Variants in MYO10 observed in about 807,000 individuals in gnomAD.
The protein encoded by MYO10 is unconventional myosin-X.
MYO10 carries 133 observed loss-of-function variants against 257.3 expected under a neutral mutation model. That is an observed-to-expected ratio of 0.52 (90% CI 0.45 to 0.60). MYO10 has a LOEUF of 0.60. Among genes scored for constraint, MYO10 ranks in the 20% least tolerant of loss-of-function variants. The pLI is 0.00. For missense variants in MYO10, 2,399 were observed against 2,635.7 expected (o/e 0.91, Z 1.97); for synonymous variants, 1,104 against 1,028.6 (o/e 1.07, Z -1.40).
chr5:16,670,792 G>T lies in MYO10; in HGVS notation c.5617C>A (p.Pro1873Thr), dbSNP rs754376677. The T allele has an allele frequency of 6.2e-7, 1 of 1,614,042 alleles. No homozygotes were observed. ...CGCCTCTTCTCCAGCCGTTCACAAG[G>T]GGTGAAGGTTTTGGTTGACTGGCTG... is the stretch of plus-strand genomic sequence containing the variant. ...RISQSTKTFT[P>T]CERLEKRRTS... Residue 1873 changes from proline (P) to threonine (T), a missense_variant, in exon 39 of 41, where the codon CCT (proline) becomes ACT (threonine). Around this residue, in one of 3 missense-constraint regions of MYO10, gnomAD observed 1,820 missense variants for 1,939.4 expected, o/e 0.94. Coordinates refer to ENST00000513610, the MANE Select transcript of MYO10 (RefSeq NM_012334.3).
At chr5:16,840,758 T>C (rs1235258547) in intron 2 of MYO10, among the ~76,000 whole-genome samples, 1 of 152,120 alleles carries the variant, frequency 6.6e-6, no homozygotes, top group East Asian at 1.9e-4. Flanking sequence ...TTAAAATGAC[T>C]AGTTCCTACT....
At chr5:16,770,846 G>A (rs892944641) in intron 9 of MYO10, among the ~76,000 whole-genome samples, 1 of 152,140 alleles carries the variant, frequency 6.6e-6, no homozygotes, top group South Asian at 2.1e-4. Context: ...TCGGCTCACC[G>A]CACCCCGTGC....
intron 1 of MYO10, among the ~76,000 whole-genome samples, chr5:16,932,752 ACTAT>A (rs1050995556): frequency 4.0e-5 from 6 of 151,250 alleles, no homozygotes; most frequent in South Asian, 2.1e-4. Flanking sequence ...GCAGTAAGAC[ACTAT>A]CTATCTAATT....
chr5:16,826,910 C>G (rs1214015319), intron 2 of MYO10, among the ~76,000 whole-genome samples: 2 of 152,182 alleles, frequency 1.3e-5, no homozygotes, highest in African/African-American at 4.8e-5. Context: ...AGCTTATGTT[C>G]AGCTTCACTG....
intron 26 of MYO10, among the ~76,000 whole-genome samples, chr5:16,695,569 T>C (rs1451171548): frequency 6.6e-5 from 10 of 152,020 alleles, no homozygotes; most frequent in Admixed American, 6.5e-4. Flanking sequence ...ACACTAAGAT[T>C]TGAACTTAAA....
rs1561158360 is a variant in MYO10 at position 16,663,325 on chromosome 5, G to GTTTTTTTTTTTTTTTTTTTT, written c.*3366_*3367insAAAAAAAAAAAAAAAAAAAA. 1 of 41,304 alleles carries GTTTTTTTTTTTTTTTTTTTT rather than the reference G, an allele frequency of 2.4e-5. No individual in the cohort carries two copies. The highest frequency in any genetic ancestry group is 1.3e-4 in the African/African-American group (1 of 7,416). 2.6% of individuals were successfully genotyped at this position (41,304 alleles called of 1,614,324 possible). Reference sequence around the variant, plus strand: ...GGAAAAAAGTAACATTTTACTTCTAGTTGTTTTTTTTTTTTTTTTTTTTTT... The same window carrying GTTTTTTTTTTTTTTTTTTTT: ...GGAAAAAAGTAACATTTTACTTCTAGTTTTTTTTTTTTTTTTTTTTTTGTTTTTTTTTTTTTTTTTTTTTT... On this transcript the variant is annotated 3_prime_UTR_variant, in exon 41 of 41. Coordinates refer to ENST00000513610, the MANE Select transcript of MYO10 (RefSeq NM_012334.3).
intron 2 of MYO10, among the ~76,000 whole-genome samples, chr5:16,839,637 A>G (rs1361529308): frequency 1.3e-5 from 2 of 152,110 alleles, no homozygotes; most frequent in Non-Finnish European, 2.9e-5. Flanking sequence ...CAGCTACTCA[A>G]GAGGCTAAGG....
chr5:16,751,374 T>C (rs1740372651), intron 19 of MYO10, among the ~76,000 whole-genome samples: 1 of 152,246 alleles, frequency 6.6e-6, no homozygotes, highest in South Asian at 2.1e-4. Flanking sequence ...AATCGAGCCA[T>C]AGCTATCTTG....
chr5:16,839,044 T>C (rs1365408919), intron 2 of MYO10, among the ~76,000 whole-genome samples: 1 of 152,240 alleles, frequency 6.6e-6, no homozygotes, highest in Non-Finnish European at 1.5e-5. Context: ...AGGAGATTCA[T>C]GTTTTCATGC....
Position 16,666,801 on chromosome 5 carries a change from G to T in MYO10, c.6076-8C>A. The T allele has an allele frequency of 6.3e-7, 1 of 1,588,862 alleles. No individual in the cohort carries two copies. Among genetic ancestry groups the T allele is most frequent in the Non-Finnish European group, 8.6e-7 (1 of 1,169,020 alleles). ...CTTGGCCACATCCACCACCTGCCCA[G>T]GGGGAAGCAGAACCGACACAGCGTC... On this transcript the variant is annotated splice_region_variant and splice_polypyrimidine_tract_variant and intron_variant, in intron 40 of 40. Transcript: ENST00000513610.
At chr5:16,681,727 T>A (rs1737011019) in intron 31 of MYO10, 144 bp downstream of exon 31, 5 of 1,186,050 alleles carry the variant, frequency 4.2e-6, no homozygotes, top group Middle Eastern at 2.3e-4. Context: ...CTTTATAATA[T>A]CACAAATTAA....
rs1027129848 is a variant in MYO10, at chr5:16,833,622, T to C, written c.121-15455A>G. 2.6e-5 allele frequency among the ~76,000 whole-genome samples: 4 copies of C among 152,306 alleles called. No homozygotes were observed. In the South Asian group the frequency reaches 8.3e-4, roughly 32 times the overall value. Reference sequence around the variant, plus strand: ...TGGCTGCTGTTTCCCAAAACAGGATTGACTAGAATCTTTCCTCCTTCAAGG... The same window carrying C: ...TGGCTGCTGTTTCCCAAAACAGGATCGACTAGAATCTTTCCTCCTTCAAGG... On this transcript the variant is annotated intron_variant, in intron 2 of 40. Transcript: ENST00000513610.
intron 1 of MYO10, among the ~76,000 whole-genome samples, chr5:16,898,544 A>G (rs253485): frequency 0.48 from 72,257 of 151,008 alleles, 17,345 homozygotes; most frequent in Admixed American, 0.55. Flanking sequence ...TCCCGAATAG[A>G]TGGGATTACA....
At chr5:16,906,233 AC>A (rs1220487486) in intron 1 of MYO10, among the ~76,000 whole-genome samples, 1 of 152,022 alleles carries the variant, frequency 6.6e-6, no homozygotes, top group Non-Finnish European at 1.5e-5. Context: ...ATTCCTCAAC[AC>A]CACACCCTGG....
intron 12 of MYO10, 44 bp from the exon 13 acceptor site, chr5:16,763,799 G>A (rs39900): frequency 0.14 from 156,623 of 1,132,322 alleles, 11,134 homozygotes; most frequent in African/African-American, 0.16. Context: ...GTGTACTCAC[G>A]ATTATATAGA....
chr5:16,782,041 G>A (rs1460877591), intron 5 of MYO10, among the ~76,000 whole-genome samples: 1 of 152,224 alleles, frequency 6.6e-6, no homozygotes, highest in East Asian at 1.9e-4. Context: ...GAGCGTAGCT[G>A]TGCTGCCAAG....
intron 1 of MYO10, among the ~76,000 whole-genome samples, chr5:16,934,222 C>A (rs968110727): frequency 7.9e-5 from 12 of 152,244 alleles, no homozygotes; most frequent in Admixed American, 7.2e-4. Context: ...ATGTTCCCCC[C>A]ACTTGCACTA....
At chr5:16,757,733 C>T (rs1273789636) in intron 18 of MYO10, among the ~76,000 whole-genome samples, 1 of 152,196 alleles carries the variant, frequency 6.6e-6, no homozygotes, top group Non-Finnish European at 1.5e-5. Context: ...GGTGCAATCA[C>T]AGCTCTCTGC....
chr5:16,792,596 G>GGC (rs1363170626), intron 4 of MYO10, among the ~76,000 whole-genome samples: 1 of 150,156 alleles, frequency 6.7e-6, no homozygotes, highest in African/African-American at 2.4e-5. Context: ...GGGGCGGGGG[G>GGC]CTGCTCTAAG....
Sources: allele counts gnomAD v4.1 joint callset (sites outside exome capture counted in the v4.1 genomes callset), GRCh38; gene constraint gnomAD v4.1.1; regional missense constraint gnomAD v4.1.1; transcripts MANE v1.5; gene names NCBI Gene and HGNC (gene_info 2026-07-23, HGNC 2026-07-21).